The following RFPL1 variants were observed in gnomAD, a reference collection of about 807,000 sequenced individuals.
RFPL1 encodes ret finger protein-like 1.
In RFPL1, 6 loss-of-function variants were observed where a neutral mutation model predicts 9.6. That is an observed-to-expected ratio of 0.62 (90% CI 0.34 to 1.23). The LOEUF (loss-of-function observed/expected upper bound fraction) is 1.23, where lower values mean the gene tolerates loss of function less well. RFPL1 is among the 50% of genes most tolerant of loss of function. The probability of loss-of-function intolerance (pLI) is 0.03; values close to 1 mark genes in which losing one functional copy is unlikely to be tolerated. For missense variants in RFPL1, 352 were observed against 398.4 expected, an observed-to-expected ratio of 0.88 and a Z score of 0.99; for synonymous variants, 145 against 149.4, an observed-to-expected ratio of 0.97 and a Z score of 0.22.
the RFPL1 span, among the ~76,000 whole-genome samples, chr22:29,413,436 T>C: frequency 2.0e-5 from 3 of 152,166 alleles, no homozygotes; most frequent in African/African-American, 7.2e-5. Flanking sequence ...TTTTAAGAAA[T>C]GGACCTTTTA....
chr22:29,391,383 T>C, the RFPL1 span, among the ~76,000 whole-genome samples: 1 of 152,166 alleles, frequency 6.6e-6, no homozygotes, highest in Non-Finnish European at 1.5e-5. Flanking sequence ...GTATGTGCCA[T>C]GCAGCATGTG....
the RFPL1 span, among the ~76,000 whole-genome samples, chr22:29,419,972 C>T: frequency 6.6e-6 from 1 of 152,170 alleles, no homozygotes; most frequent in Non-Finnish European, 1.5e-5. Flanking sequence ...GCAAAGCTGT[C>T]CTCAGCTACC....
chr22:29,409,162 C>T, the RFPL1 span, among the ~76,000 whole-genome samples: 2 of 152,140 alleles, frequency 1.3e-5, no homozygotes, highest in East Asian at 1.9e-4. Flanking sequence ...TATATTTACA[C>T]GGTTGTGCAA....
At chr22:29,419,618 C>T in the RFPL1 span, among the ~76,000 whole-genome samples, 4 of 151,858 alleles carry the variant, frequency 2.6e-5, no homozygotes, top group Non-Finnish European at 1.5e-5. Context: ...TCCTGGCCAA[C>T]GTAGTGAAAC....
chr22:29,397,752 A>AT, the RFPL1 span, among the ~76,000 whole-genome samples: 1 of 151,962 alleles, frequency 6.6e-6, no homozygotes, highest in South Asian at 2.1e-4. Context: ...CTGCATGCAG[A>AT]TTGGGACCCT....
At chr22:29,432,979 G>T in the RFPL1 span, 1 of 152,094 alleles carries the variant, frequency 6.6e-6, no homozygotes, top group Admixed American at 6.5e-5. Context: ...TCGATGTGTC[G>T]GCTGCCTATC....
chr22:29,431,272 A>G, the RFPL1 span, among the ~76,000 whole-genome samples: 1 of 152,216 alleles, frequency 6.6e-6, no homozygotes. Context: ...GAATTCGGCA[A>G]CATTGTTTGA....
the RFPL1 span, among the ~76,000 whole-genome samples, chr22:29,426,671 C>G: frequency 3.3e-5 from 5 of 152,168 alleles, no homozygotes; most frequent in African/African-American, 1.2e-4. Flanking sequence ...ATTGCTTCAA[C>G]CCGGAGGCGG....
the RFPL1 span, among the ~76,000 whole-genome samples, chr22:29,420,633 G>GTTT: frequency 8.8e-4 from 18 of 20,406 alleles, no homozygotes; most frequent in Admixed American, 1.8e-3. Context: ...ATGGTTTTTT[G>GTTT]CTTTTTTTTT....
the RFPL1 span, among the ~76,000 whole-genome samples, chr22:29,426,433 A>G: frequency 3.3e-5 from 5 of 152,086 alleles, no homozygotes; most frequent in Non-Finnish European, 5.9e-5. Flanking sequence ...GATATCTGCA[A>G]TTTGTTTCAG....
the RFPL1 span, among the ~76,000 whole-genome samples, chr22:29,420,989 C>T: frequency 6.6e-6 from 1 of 152,182 alleles, no homozygotes; most frequent in East Asian, 1.9e-4. Flanking sequence ...TGTTCCCACA[C>T]ATTTTCTTAT....
exon 2 of RFPL1, chr22:29,442,039 G>A: frequency 6.2e-7 from 1 of 1,613,984 alleles, no homozygotes; most frequent in Non-Finnish European, 8.5e-7. Context: ...TCCACCTAAT[G>A]GTGATAAGAG....
chr22:29,421,320 C>T, the RFPL1 span, among the ~76,000 whole-genome samples: 2 of 152,142 alleles, frequency 1.3e-5, no homozygotes, highest in Non-Finnish European at 2.9e-5. Flanking sequence ...CATAGTGGCA[C>T]GTGCCTGTAG....
upstream of RFPL1, chr22:29,438,132 G>A (rs189553172): frequency 1.4e-4 from 24 of 174,414 alleles, no homozygotes; most frequent in Admixed American, 1.1e-3. Flanking sequence ...CCTTGGCCTC[G>A]CAAAGTGCTG....
chr22:29,398,749 C>A, the RFPL1 span, among the ~76,000 whole-genome samples: 1 of 152,198 alleles, frequency 6.6e-6, no homozygotes, highest in Admixed American at 6.5e-5. Flanking sequence ...CTTTTAGTCT[C>A]CCGTGTAGCT....
At chr22:29,432,141 T>C in the RFPL1 span, among the ~76,000 whole-genome samples, 1 of 152,252 alleles carries the variant, frequency 6.6e-6, no homozygotes, top group Non-Finnish European at 1.5e-5. Flanking sequence ...TCCATTCGGC[T>C]CCTTCATTTG....
At chr22:29,389,268 G>T in the RFPL1 span, among the ~76,000 whole-genome samples, 1 of 152,044 alleles carries the variant, frequency 6.6e-6, no homozygotes, top group Non-Finnish European at 1.5e-5. Context: ...CATACCTGTA[G>T]TCCCAGCTAC....
chr22:29,434,633 G>A (rs1176811485), upstream of RFPL1: 1 of 152,884 alleles, frequency 6.5e-6, no homozygotes, highest in Admixed American at 6.5e-5. Context: ...GGCAAATAAT[G>A]GGATTTGGGT....
At chr22:29,389,366 C>T in the RFPL1 span, among the ~76,000 whole-genome samples, 1 of 151,588 alleles carries the variant, frequency 6.6e-6, no homozygotes. Context: ...CCAGCCTGGG[C>T]GACAGATCCA....
Sources: gnomAD v4.1 joint callset for allele counts (sites outside exome capture counted in the v4.1 genomes callset) on GRCh38, gnomAD v4.1.1 for gene constraint, MANE v1.5 for transcripts, NCBI Gene and HGNC (gene_info 2026-07-23, HGNC 2026-07-21) for gene names.